The following ZC3H14 variants were observed in gnomAD, a reference collection of about 807,000 sequenced individuals.
ZC3H14 encodes zinc finger CCCH domain-containing protein 14.
A neutral mutation model predicts 92.4 loss-of-function variants in ZC3H14; 31 were observed. The ratio of observed to expected loss-of-function variants is 0.34; its 90% CI spans 0.25 to 0.45. The LOEUF (loss-of-function observed/expected upper bound fraction) is 0.45, where lower values mean the gene tolerates loss of function less well. Among genes scored for constraint, ZC3H14 ranks in the 20% least tolerant of loss-of-function variants. The pLI is 1.00. For synonymous variants in ZC3H14, 321 were observed against 300.9 expected (o/e 1.07, Z -0.69); for missense variants, 781 against 897.3 (o/e 0.87, Z 1.66).
rs991822635 is a variant in ZC3H14, at chr14:88,571,101, A to G, written c.212A>G (p.Asp71Gly). ...TTCCTCAGGCTTCATGGTGTATTAG[A>G]TAAACTTCGCTCTGTTACAACTGGT... ...RFTVWLHGVL[D>G]KLRSVTTEPS... Residue 71 changes from aspartate to glycine, a missense_variant, in exon 4 of 17, where the codon GAT becomes GGT. This residue lies in a region of ZC3H14 where 106 missense variants were observed against 154.2 expected (regional missense o/e 0.69). Coordinates refer to ENST00000251038, the MANE Select transcript of ZC3H14 (RefSeq NM_024824.5). 6.3e-7 allele frequency: 1 copy of G among 1,583,536 alleles called. No homozygotes were observed. Among genetic ancestry groups the G allele is most frequent in the African/African-American group, 1.3e-5 (1 of 74,146 alleles).
intron 2 of ZC3H14, among the ~76,000 whole-genome samples, chr14:88,565,640 C>A (rs144930039): frequency 6.6e-6 from 1 of 152,106 alleles, no homozygotes; most frequent in African/African-American, 2.4e-5. Context: ...TCAAAAAGGT[C>A]ATTGACGTAT....
At chr14:88,605,789 A>G (rs1002555787) in intron 12 of ZC3H14, among the ~76,000 whole-genome samples, 1 of 152,234 alleles carries the variant, frequency 6.6e-6, no homozygotes, top group African/African-American at 2.4e-5. Context: ...AATGTGGGTC[A>G]CTGGAACAGT....
rs1850276469 is a variant in ZC3H14, at chr14:88,611,804, G to A, written c.*53G>A. On this transcript the variant is annotated 3_prime_UTR_variant, in exon 17 of 17. Coordinates refer to ENST00000251038, the MANE Select transcript of ZC3H14 (RefSeq NM_024824.5). ...TGCAGTTTGGAAGTTTTCATGTACT[G>A]ATGAAAGATACTCTACAGAACTTGT... The A allele has an allele frequency of 1.2e-6, 2 of 1,611,582 alleles. No individual in the cohort carries two copies. The highest frequency in any genetic ancestry group is 1.3e-5 in the African/African-American group (1 of 74,860).
chr14:88,572,724 C>A lies in ZC3H14; in HGVS notation c.578C>A (p.Pro193His). Reference protein sequence around the residue: ...DEDLNFVQENPLSQKKPTVTL... With the variant: ...DEDLNFVQENHLSQKKPTVTL... ...GACCTCAACTTTGTGCAGGAGAATC[C>A]CTTATCTCAGAAAAAACCTACAGTG... The change falls in exon 6 of 17, where the codon CCC (proline) becomes CAC (histidine). Residue 193 changes from proline to histidine, a missense_variant. Physicochemically the swap from Pro to His is moderately conservative, Grantham distance 77 (BLOSUM62 -2). Coordinates refer to ENST00000251038, the MANE Select transcript of ZC3H14 (RefSeq NM_024824.5). 1 of 1,614,074 alleles carries A rather than the reference C, an allele frequency of 6.2e-7. No individual in the cohort carries two copies. The highest frequency in any genetic ancestry group is 8.5e-7 in the Non-Finnish European group (1 of 1,180,016).
At chr14:88,569,423 G>A (rs1254698775) in intron 3 of ZC3H14, among the ~76,000 whole-genome samples, 2 of 152,016 alleles carry the variant, frequency 1.3e-5, no homozygotes, top group Non-Finnish European at 2.9e-5. Flanking sequence ...TTTAAAATAG[G>A]CAACTTTGCT....
intron 2 of ZC3H14, 90 bp from the exon 3 acceptor site, chr14:88,567,949 T>G: frequency 9.5e-7 from 1 of 1,056,122 alleles, no homozygotes; most frequent in Non-Finnish European, 1.4e-6. Context: ...ACTCTAAAGC[T>G]TAGAGCTACA....
chr14:88,594,697 G>A, intron 9 of ZC3H14: 1 of 1,613,524 alleles, frequency 6.2e-7, no homozygotes, highest in East Asian at 2.2e-5. Context: ...AGAATTTTAT[G>A]AAAATGTCTT....
intron 1 of ZC3H14, 85 bp from the exon 2 acceptor site, chr14:88,563,566 C>T: frequency 1.9e-6 from 3 of 1,589,084 alleles, no homozygotes; most frequent in South Asian, 1.1e-5. Context: ...CGCGCACCAG[C>T]AAAGTGGCCT....
At chr14:88,567,120 A>ATTTTTTTT (rs1288251572) in intron 2 of ZC3H14, among the ~76,000 whole-genome samples, 3 of 21,506 alleles carry the variant, frequency 1.4e-4, no homozygotes, top group East Asian at 1.7e-3. Context: ...TATTTTATTT[A>ATTTTTTTT]TTTATTTTTT....
At position 88,623,668 on chromosome 14, in the gene ZC3H14, TC is replaced by T; in HGVS notation, c.*11920del. ...ACCTCGTGATCCGCCCACCTCGGCC[TC>T]CCAAAGTGTTGGGATTACAGGCGTG... On this transcript the variant is annotated 3_prime_UTR_variant, in exon 17 of 17. Coordinates refer to ENST00000251038, the MANE Select transcript of ZC3H14 (RefSeq NM_024824.5). 1 of 152,394 alleles carries T rather than the reference TC, an allele frequency of 6.6e-6. No homozygotes were observed. The highest frequency in any genetic ancestry group is 1.5e-5 in the Non-Finnish European group (1 of 68,088). 9.4% of individuals were successfully genotyped at this position (152,394 alleles called of 1,614,324 possible). A position where few individuals can be genotyped will look rare whatever the true frequency, so the allele number is the denominator to read the frequency against.
intron 6 of ZC3H14, 195 bp from the exon 7 acceptor site, chr14:88,574,498 C>T (rs2080907086): frequency 4.9e-6 from 3 of 617,832 alleles, no homozygotes; most frequent in Non-Finnish European, 8.1e-6. Context: ...CCACTTCGGC[C>T]TTCCAAAGTG....
rs576468258 is a variant in ZC3H14 at position 88,568,810 on chromosome 14, T to C, written c.194+657T>C. ...TGGGCTAATATGTGTAAAGTACTTA[T>C]AGGTGTCCCTAGCATTTTCCTAAGG... is the stretch of plus-strand genomic sequence containing the variant. On this transcript the variant is annotated intron_variant, in intron 3 of 16. Coordinates refer to ENST00000251038, the MANE Select transcript of ZC3H14 (RefSeq NM_024824.5). 2.6e-5 allele frequency among the ~76,000 whole-genome samples: 4 copies of C among 152,350 alleles called. No homozygotes were observed. The South Asian group carries it at 6.2e-4, about 24-fold the overall frequency.
chr14:88,567,964 T>C, intron 2 of ZC3H14, 75 bp from the exon 3 acceptor site: 1 of 1,189,718 alleles, frequency 8.4e-7, no homozygotes, highest in Non-Finnish European at 1.2e-6. Context: ...GCTACATCTA[T>C]ATTTTCAAGC....
At chr14:88,609,604 A>G (rs1176964462) in intron 14 of ZC3H14, 108 bp from the exon 15 acceptor site, 11 of 1,414,268 alleles carry the variant, frequency 7.8e-6, no homozygotes, top group Non-Finnish European at 1.1e-5. Context: ...AAACCTTACC[A>G]TTCTAATTTA....
chr14:88,618,236 T>C lies in ZC3H14; in HGVS notation c.*6485T>C. On this transcript the variant is annotated 3_prime_UTR_variant, in exon 17 of 17. Transcript: ENST00000251038. Reference sequence around the variant, plus strand: ...AATATATAAGTATTTACCTAGTCCATGTAGCCCAAGTAATTCTGTCAATAG... The same window carrying C: ...AATATATAAGTATTTACCTAGTCCACGTAGCCCAAGTAATTCTGTCAATAG... 2 of 1,613,672 alleles carry C rather than the reference T, an allele frequency of 1.2e-6. No homozygotes were observed. Among genetic ancestry groups the C allele is most frequent in the Non-Finnish European group, 1.7e-6 (2 of 1,179,776 alleles).
chr14:88,607,496 A>G, intron 13 of ZC3H14, 133 bp downstream of exon 13: 1 of 722,830 alleles, frequency 1.4e-6, no homozygotes, highest in Non-Finnish European at 2.2e-6. Context: ...CCACATCTCA[A>G]CCCTCAAGTG....
At position 88,624,827 on chromosome 14, in the gene ZC3H14, T is replaced by C. The variant is rs2089671642; in HGVS notation, c.*13076T>C. 2.3e-6 allele frequency: 2 copies of C among 887,228 alleles called. No individual in the cohort carries two copies. The highest frequency in any genetic ancestry group is 1.7e-6 in the Non-Finnish European group (1 of 598,336). 55.0% of individuals were successfully genotyped at this position (887,228 alleles called of 1,614,324 possible). A position where few individuals can be genotyped will look rare whatever the true frequency, so the allele number is the denominator to read the frequency against. On this transcript the variant is annotated 3_prime_UTR_variant, in exon 17 of 17. Coordinates refer to ENST00000251038, the MANE Select transcript of ZC3H14 (RefSeq NM_024824.5). ...AAATGAGAATCAAATAGAAGGCACA[T>C]AAAAGGTAATAAAGGAGAAGCATAT...
chr14:88,578,781 G>GTTTTTTT (rs35101368), intron 9 of ZC3H14, among the ~76,000 whole-genome samples: 6 of 76,852 alleles, frequency 7.8e-5, no homozygotes, highest in African/African-American at 2.1e-4. Flanking sequence ...TTGCTTCCAG[G>GTTTTTTT]TTTTTTTTTT....
chr14:88,579,141 A>G (rs1458361090), intron 9 of ZC3H14, among the ~76,000 whole-genome samples: 2 of 152,172 alleles, frequency 1.3e-5, no homozygotes, highest in Non-Finnish European at 2.9e-5. Context: ...GAACCTTGGA[A>G]TATATTTTTT....
Sources: gnomAD v4.1 joint callset for allele counts (sites outside exome capture counted in the v4.1 genomes callset) on GRCh38, gnomAD v4.1.1 for gene constraint, gnomAD v4.1.1 regional missense constraint, MANE v1.5 for transcripts, NCBI Gene and HGNC (gene_info 2026-07-23, HGNC 2026-07-21) for gene names.